DZIP3: variants seen among roughly 807,000 people sequenced by gnomAD.
DZIP3 encodes the protein DAZ interacting zinc finger protein 3.
DZIP3 carries 118 observed loss-of-function variants against 162.0 expected under a neutral mutation model. The ratio of observed to expected loss-of-function variants is 0.73; its 90% CI spans 0.63 to 0.85. The LOEUF (loss-of-function observed/expected upper bound fraction) is 0.85. Among genes scored for constraint, DZIP3 ranks in the 40% least tolerant of loss-of-function variants. DZIP3 has a pLI of 0.00. For missense variants in DZIP3, 1,331 were observed against 1,407.0 expected, an observed-to-expected ratio of 0.95 and a Z score of 0.86; for synonymous variants, 438 against 458.6, an observed-to-expected ratio of 0.96 and a Z score of 0.57.
In DZIP3 at chr3:108,629,072, G is replaced by A. The variant is rs1576382551; in HGVS notation, c.592G>A (p.Gly198Arg). The part of the protein sequence containing the change: ...LRCAQKRYNG[G>R]LLEFHKSLQE... ...TAAAATGCCTTTCAGATATAATGGA[G>A]GACTGCTAGAATTTCATAAAAGCTT... Residue 198 changes from glycine (G) to arginine (R), a missense_variant, in exon 8 of 33, where the codon GGA becomes AGA. Transcript: ENST00000361582. 2 of 1,593,698 alleles carry A rather than the reference G, an allele frequency of 1.3e-6. No individual in the cohort carries two copies. Among genetic ancestry groups the A allele is most frequent in the African/African-American group, 1.4e-5 (1 of 73,776 alleles).
intron 1 of DZIP3, among the ~76,000 whole-genome samples, chr3:108,592,103 T>G (rs1939455779): frequency 6.6e-6 from 1 of 152,102 alleles, no homozygotes; most frequent in Non-Finnish European, 1.5e-5. Flanking sequence ...CCTGGTCTAG[T>G]CAGGTTTGTT....
rs760547184 is a variant in DZIP3, at chr3:108,625,810, T to C, written c.457-35T>C. On this transcript the variant is annotated intron_variant, in intron 6 of 32. Coordinates refer to ENST00000361582, the MANE Select transcript of DZIP3 (RefSeq NM_014648.4). ...ATTGTAAAAAAAAAAAAAATGACTTTTACAGTAGCCAAACCTAGTTTTATG... is the reference window on the plus strand; with the variant it reads ...ATTGTAAAAAAAAAAAAAATGACTTCTACAGTAGCCAAACCTAGTTTTATG... The C allele has an allele frequency of 2.6e-6, 4 of 1,533,550 alleles. No homozygotes were observed. In the African/African-American group the frequency reaches 4.2e-5, roughly 16 times the overall value. The allele number at this position is 1,533,550 out of a possible 1,614,324, so 95.0% of individuals were successfully genotyped here.
intron 4 of DZIP3, among the ~76,000 whole-genome samples, chr3:108,612,485 G>C (rs549996332): frequency 6.6e-6 from 1 of 152,208 alleles, no homozygotes; most frequent in South Asian, 2.1e-4. Flanking sequence ...GTGGCCTTCA[G>C]ATATGCAAAA....
intron 1 of DZIP3, chr3:108,602,957 A>C (rs1210066525): frequency 1.3e-5 from 2 of 152,216 alleles, no homozygotes; most frequent in Non-Finnish European, 2.9e-5. Flanking sequence ...TAACTCTGTT[A>C]ATTCGGGATC....
chr3:108,660,498 T>C (rs1943369492), intron 19 of DZIP3, among the ~76,000 whole-genome samples: 1 of 152,052 alleles, frequency 6.6e-6, no homozygotes, highest in African/African-American at 2.4e-5. Context: ...CAAGATGGAT[T>C]AAAGACTTAA....
intron 4 of DZIP3, among the ~76,000 whole-genome samples, chr3:108,611,611 A>G (rs1940710887): frequency 6.6e-6 from 1 of 152,160 alleles, no homozygotes; most frequent in African/African-American, 2.4e-5. Context: ...AGTCCTGCTA[A>G]TAACCTGTAA....
chr3:108,616,640 C>G lies in DZIP3; in HGVS notation c.358C>G (p.Gln120Glu). 1 of 1,590,576 alleles carries G rather than the reference C, an allele frequency of 6.3e-7. No homozygotes were observed. Among genetic ancestry groups the G allele is most frequent in the Non-Finnish European group, 8.6e-7 (1 of 1,169,482 alleles). Residue 120 changes from glutamine to glutamate, a missense_variant, in exon 5 of 33, where the codon CAA becomes GAA. Around this residue, in one of 2 missense-constraint regions of DZIP3, gnomAD observed 1,278 missense variants for 1,317.1 expected, o/e 0.97. Transcript: ENST00000361582. ...GCTAGAAGCAGCACTTAGGAACATT[C>G]AAGCTGGCAATTATACCGTAAGTGT... ...TQLEAALRNI[Q>E]AGNYTAHQIN...
rs558251169 is a variant in DZIP3, at chr3:108,655,806, C to T, written c.2199+1496C>T. Among the ~76,000 whole-genome samples, 30 of 152,304 alleles carry T rather than the reference C, an allele frequency of 2.0e-4. No homozygotes were observed. In the South Asian group the frequency reaches 3.1e-3, roughly 16 times the overall value. On this transcript the variant is annotated intron_variant, in intron 19 of 32. Coordinates refer to ENST00000361582, the MANE Select transcript of DZIP3 (RefSeq NM_014648.4). ...TCGGGTCACTCCCACCCTAATGCTG[C>T]GCTTTTCTGACGGTCTCAGCAAACG...
rs1385580355 is a variant in DZIP3 at position 108,686,420 on chromosome 3, G to A, written c.3010-25G>A. 3 of 1,527,360 alleles carry A rather than the reference G, an allele frequency of 2.0e-6. No homozygotes were observed. In the African/African-American group the frequency reaches 4.2e-5, roughly 21 times the overall value. The allele number at this position is 1,527,360 out of a possible 1,614,324, so 94.6% of individuals were successfully genotyped here. ...CACTTCTTAATAATTAAACCTGCTG[G>A]GCTATAGCTCTCTGCCTCTTACAGA... On this transcript the variant is annotated intron_variant, in intron 27 of 32. Transcript: ENST00000361582.
At chr3:108,625,789 TAAAAA>T in intron 6 of DZIP3, 51 bp from the exon 7 acceptor site, 3 of 1,276,286 alleles carry the variant, frequency 2.4e-6, no homozygotes, top group Admixed American at 2.8e-5. Flanking sequence ...TTGTTTATTG[TAAAAA>T]AAAAAAAAAT....
intron 16 of DZIP3, chr3:108,648,355 A>C: frequency 3.0e-6 from 1 of 328,160 alleles, no homozygotes; most frequent in Non-Finnish European, 5.4e-6. Flanking sequence ...ATTATGCTAG[A>C]CTGTAATATG....
Position 108,675,832 on chromosome 3 carries a change from G to A in DZIP3, c.2740G>A (p.Ala914Thr), listed in dbSNP as rs1353177223. The A allele has an allele frequency of 5.6e-6, 9 of 1,610,256 alleles. No individual in the cohort carries two copies. The highest frequency in any genetic ancestry group is 1.1e-5 in the South Asian group (1 of 90,708). Residue 914 changes from alanine to threonine, a missense_variant, in exon 25 of 33, where the codon GCC becomes ACC. Coordinates refer to ENST00000361582, the MANE Select transcript of DZIP3 (RefSeq NM_014648.4). ...AAAGGCTGCGGTAGACAGTTGGAAT[G>A]CCATTGTGGCAGATGTTAGAAACAA... ...QLKAAVDSWN[A>T]IVADVRNKIA...
intron 1 of DZIP3, among the ~76,000 whole-genome samples, chr3:108,593,647 A>G (rs1939545769): frequency 6.6e-6 from 1 of 150,880 alleles, no homozygotes; most frequent in African/African-American, 2.4e-5. Flanking sequence ...GGTAGATGGT[A>G]GAAATTTAGC....
chr3:108,617,349 T>C (rs1370557170), intron 5 of DZIP3, among the ~76,000 whole-genome samples: 3 of 152,210 alleles, frequency 2.0e-5, no homozygotes, highest in Admixed American at 6.5e-5. Context: ...ACATATTTTA[T>C]AATGTCGTAT....
chr3:108,637,956 A>G (rs1295886413), intron 12 of DZIP3, among the ~76,000 whole-genome samples: 1 of 152,218 alleles, frequency 6.6e-6, no homozygotes, highest in Non-Finnish European at 1.5e-5. Flanking sequence ...AGCTAGAATT[A>G]ATAGCGGTAT....
At position 108,681,583 on chromosome 3, in the gene DZIP3, T is replaced by C. The variant is rs187196459; in HGVS notation, c.2884-2633T>C. ...GACTCAGCAATCCCATTACTAGATA[T>C]ATACCCAAAGGATTGTAAATCATTC... On this transcript the variant is annotated intron_variant, in intron 26 of 32. Transcript: ENST00000361582. Among the ~76,000 whole-genome samples, 9 of 152,104 alleles carry C rather than the reference T, an allele frequency of 5.9e-5. 1 individual carries two copies. In the East Asian group the frequency reaches 1.5e-3, roughly 26 times the overall value.
intron 8 of DZIP3, among the ~76,000 whole-genome samples, chr3:108,631,055 A>ACACACACACACACACACATACCCTCTCT: frequency 5.6e-5 from 1 of 18,006 alleles, no homozygotes; most frequent in South Asian, 2.3e-3. Context: ...ACACACACAC[A>ACACACACACACACACACATACCCTCTCT]CTCTCTCTCT....
At chr3:108,646,724 A>C in intron 15 of DZIP3, 75 bp downstream of exon 15, 8 of 1,079,064 alleles carry the variant, frequency 7.4e-6, no homozygotes, top group Middle Eastern at 3.0e-4. Flanking sequence ...ATTTGTTCAG[A>C]TAAACTAAAT....
rs1216101350 is a variant in DZIP3, at chr3:108,589,725, C to T, written c.-187C>T. On this transcript the variant is annotated 5_prime_UTR_variant, in exon 1 of 33. Coordinates refer to ENST00000361582, the MANE Select transcript of DZIP3 (RefSeq NM_014648.4). ...GTTAGGAGAAGGGGGATTCCTCACT[C>T]AGCTGTGCGCTCTGATTTCGTGCGC... 4 of 192,966 alleles carry T rather than the reference C, an allele frequency of 2.1e-5. No individual in the cohort carries two copies. Among genetic ancestry groups the T allele is most frequent in the African/African-American group, 7.0e-5 (3 of 42,600 alleles). The allele number at this position is 192,966 out of a possible 1,614,324, so 12.0% of individuals were successfully genotyped here. A position where few individuals can be genotyped will look rare whatever the true frequency, so the allele number is the denominator to read the frequency against.
Sources: allele counts gnomAD v4.1 joint callset (sites outside exome capture counted in the v4.1 genomes callset), GRCh38; gene constraint gnomAD v4.1.1; regional missense constraint gnomAD v4.1.1; transcripts MANE v1.5; gene names NCBI Gene and HGNC (gene_info 2026-07-23, HGNC 2026-07-21).